Variants in PDE5A observed in about 807,000 individuals in gnomAD.
PDE5A encodes cGMP-specific 3',5'-cyclic phosphodiesterase.
A neutral mutation model predicts 110.2 loss-of-function variants in PDE5A; 67 were observed. The ratio of observed to expected loss-of-function variants is 0.61; its 90% CI spans 0.50 to 0.75. The LOEUF is 0.75. PDE5A is among the 30% of genes least tolerant of loss of function. The pLI is 0.00. For synonymous variants in PDE5A, 328 were observed against 351.2 expected (o/e 0.93, Z 0.74); for missense variants, 862 against 1,045.1 (o/e 0.82, Z 2.42).
chr4:119,574,000 A>G (rs1043893774), intron 3 of PDE5A, among the ~76,000 whole-genome samples: 3 of 152,134 alleles, frequency 2.0e-5, no homozygotes, highest in East Asian at 1.9e-4. Flanking sequence ...AATCCTTGAC[A>G]TAATTCTTTA....
chr4:119,624,952 A>G (rs115635695), intron 1 of PDE5A, among the ~76,000 whole-genome samples: 3,959 of 152,124 alleles, frequency 0.026, 80 homozygotes, highest in Middle Eastern at 0.082. Context: ...GAATCATTCA[A>G]TTGACACCTT....
At chr4:119,562,732 T>C (rs1278975774) in intron 6 of PDE5A, 101 bp downstream of exon 6, 1 of 959,514 alleles carries the variant, frequency 1.0e-6, no homozygotes, top group African/African-American at 1.7e-5. Context: ...CATTTGGGTT[T>C]GAGAGAGGGT....
rs1404862706 is a variant in PDE5A, at chr4:119,512,738, GGGA to G, written c.2001-1607_2001-1605del. 5.3e-5 allele frequency: 8 copies of G among 152,308 alleles called. No individual in the cohort carries two copies. The East Asian group carries it at 1.5e-3, about 29-fold the overall frequency. 9.4% of individuals were successfully genotyped at this position (152,308 alleles called of 1,614,324 possible). ...GACCTCATTTACTGACACAGGAAAA[GGGA>G]GAAGATGATTAAAGATGGGGGATGA... is the stretch of plus-strand genomic sequence containing the variant. On this transcript the variant is annotated intron_variant, in intron 14 of 20. Coordinates refer to ENST00000354960, the MANE Select transcript of PDE5A (RefSeq NM_001083.4).
intron 20 of PDE5A, chr4:119,500,927 A>T: frequency 2.1e-6 from 1 of 482,638 alleles, no homozygotes. Flanking sequence ...CTGGCACATA[A>T]TTCTTCTTAG....
intron 11 of PDE5A, among the ~76,000 whole-genome samples, chr4:119,526,279 C>G (rs1415893395): frequency 6.6e-6 from 1 of 152,114 alleles, no homozygotes; most frequent in Non-Finnish European, 1.5e-5. Context: ...GGAAGACTAT[C>G]CTGTGCCCAG....
At chr4:119,614,417 C>T (rs1182760445) in intron 1 of PDE5A, among the ~76,000 whole-genome samples, 2 of 152,092 alleles carry the variant, frequency 1.3e-5, no homozygotes, top group Non-Finnish European at 2.9e-5. Context: ...TGTATTTGAT[C>T]TGGCCACTCC....
rs1375802431 is a variant in PDE5A, at chr4:119,606,777, A to G, written c.673T>C (p.Trp225Arg). Residue 225 changes from tryptophan (W) to arginine (R), a missense_variant, in exon 2 of 21, where the codon TGG (tryptophan) becomes CGG (arginine). Transcript: ENST00000354960. ...EVSNNCIRLE[W>R]NKGIVGHVAA... ...ACATGTCCCACAATGCCTTTGTTCC[A>G]TTCTAAGCGGATACAGTTATTTGAA... 1 of 1,614,138 alleles carries G rather than the reference A, an allele frequency of 6.2e-7. No individual in the cohort carries two copies. The highest frequency in any genetic ancestry group is 1.1e-5 in the South Asian group (1 of 91,078).
At chr4:119,601,019 AT>A (rs568458299) in intron 2 of PDE5A, among the ~76,000 whole-genome samples, 6 of 152,316 alleles carry the variant, frequency 3.9e-5, no homozygotes, top group African/African-American at 1.4e-4. Context: ...GTGTGGTACA[AT>A]TAAACATGTT....
At chr4:119,564,711 G>C (rs1218519693) in intron 5 of PDE5A, among the ~76,000 whole-genome samples, 2 of 151,986 alleles carry the variant, frequency 1.3e-5, no homozygotes, top group African/African-American at 4.8e-5. Flanking sequence ...CTGTAACAAA[G>C]GTAGTATGAA....
intron 9 of PDE5A, among the ~76,000 whole-genome samples, chr4:119,551,230 C>T (rs1221270358): frequency 6.6e-6 from 1 of 152,150 alleles, no homozygotes; most frequent in Non-Finnish European, 1.5e-5. Context: ...GTCCCAGAAA[C>T]AGAAGTATAA....
At chr4:119,512,670 A>C (rs890262311) in intron 14 of PDE5A, 1 of 152,078 alleles carries the variant, frequency 6.6e-6, no homozygotes, top group Non-Finnish European at 1.5e-5. Context: ...GAGGGAGATA[A>C]AGGGAAAAAG....
At chr4:119,548,380 G>C in intron 9 of PDE5A, 1 of 152,148 alleles carries the variant, frequency 6.6e-6, no homozygotes, top group East Asian at 1.9e-4. Flanking sequence ...TTTAGTTTTT[G>C]TATGTCAATG....
chr4:119,527,962 A>G (rs1305081118), intron 11 of PDE5A, among the ~76,000 whole-genome samples: 1 of 152,092 alleles, frequency 6.6e-6, no homozygotes, highest in Non-Finnish European at 1.5e-5. Context: ...CTTGGACAAA[A>G]CAGTTAGTTT....
At position 119,498,486 on chromosome 4, in the gene PDE5A, A is replaced by G; in HGVS notation, c.*115T>C. On this transcript the variant is annotated 3_prime_UTR_variant, in exon 21 of 21. Coordinates refer to ENST00000354960, the MANE Select transcript of PDE5A (RefSeq NM_001083.4). The stretch of plus-strand genomic sequence containing the variant: ...AAAAGTTGTGCAAAAATAAAAATAC[A>G]GCAGTGGCAAAGTATATACCAAATA... 8.8e-7 allele frequency: 1 copy of G among 1,132,688 alleles called. No homozygotes were observed. The allele number at this position is 1,132,688 out of a possible 1,614,324, so 70.2% of individuals were successfully genotyped here.
chr4:119,527,543 A>T (rs1039718963), intron 11 of PDE5A, among the ~76,000 whole-genome samples: 10 of 152,132 alleles, frequency 6.6e-5, no homozygotes, highest in Non-Finnish European at 1.3e-4. Context: ...ATAATTACCT[A>T]TTATTTTTAC....
rs548753393 is a variant in PDE5A at position 119,574,954 on chromosome 4, T to G, written c.832-7810A>C. On this transcript the variant is annotated intron_variant, in intron 3 of 20. Transcript: ENST00000354960. ...AAATTGTTCATTAAGATCTGATGAA[T>G]GGCTAACTAGAATAACCAATGCAGA... Among the ~76,000 whole-genome samples, 3 of 152,308 alleles carry G rather than the reference T, an allele frequency of 2.0e-5. No homozygotes were observed. The South Asian group carries it at 6.2e-4, about 32-fold the overall frequency.
intron 9 of PDE5A, 138 bp from the exon 10 acceptor site, chr4:119,542,772 C>G (rs190566674): frequency 1.6e-4 from 110 of 693,824 alleles, no homozygotes; most frequent in Admixed American, 7.2e-4. Flanking sequence ...AAATTAACCC[C>G]CACAAATATA....
At chr4:119,515,514 T>C (rs1373740371) in intron 14 of PDE5A, among the ~76,000 whole-genome samples, 3 of 152,148 alleles carry the variant, frequency 2.0e-5, no homozygotes, top group African/African-American at 7.2e-5. Context: ...CACTTCTAAC[T>C]ACCACCCTAT....
Position 119,525,563 on chromosome 4 carries a change from GGAA to G in PDE5A, c.1762_1764del (p.Phe588del), listed in dbSNP as rs1210833058. On this transcript the variant is annotated inframe_deletion, in exon 12 of 21. Coordinates refer to ENST00000354960, the MANE Select transcript of PDE5A (RefSeq NM_001083.4). This position sits in a 1 kb window ranked among gnomAD's most constrained non-coding sequence, Gnocchi z 4.3. ...TGCATTCCTACCTCATGTTTCATCT[GGAA>G]GTTCTGCACAAGGTTGAGGTCAGTA... 2 of 1,612,802 alleles carry G rather than the reference GGAA, an allele frequency of 1.2e-6. No individual in the cohort carries two copies. The highest frequency in any genetic ancestry group is 2.2e-5 in the South Asian group (2 of 91,012).
Sources: gnomAD v4.1 joint callset for allele counts (sites outside exome capture counted in the v4.1 genomes callset) on GRCh38, gnomAD v4.1.1 for gene constraint, Gnocchi (gnomAD v3.1) non-coding constraint, MANE v1.5 for transcripts, NCBI Gene and HGNC (gene_info 2026-07-23, HGNC 2026-07-21) for gene names.